The following AUTS2 variants were observed in gnomAD, a reference collection of about 807,000 sequenced individuals.
AUTS2 encodes activator of transcription and developmental regulator AUTS2, also known as autism susceptibility gene 2 protein.
A neutral mutation model predicts 112.4 loss-of-function variants in AUTS2; 17 were observed. That is an observed-to-expected ratio of 0.15 (90% CI 0.10 to 0.23). AUTS2 has a LOEUF of 0.23. Ranked by LOEUF, AUTS2 falls within the 10% of genes least tolerant of loss-of-function variation. The pLI is 1.00. For synonymous variants in AUTS2, 751 were observed against 702.7 expected (o/e 1.07, Z -1.09); for missense variants, 1,510 against 1,701.6 (o/e 0.89, Z 1.98).
intron 1 of AUTS2, among the ~76,000 whole-genome samples, chr7:69,816,288 C>A (rs62457247): frequency 3.3e-5 from 5 of 152,218 alleles, no homozygotes; most frequent in Admixed American, 2.6e-4. Context: ...TATCGACTTA[C>A]ATTCCGTTCT....
At chr7:70,286,180 C>A (rs576249947) in intron 4 of AUTS2, among the ~76,000 whole-genome samples, 1 of 152,292 alleles carries the variant, frequency 6.6e-6, no homozygotes, top group South Asian at 2.1e-4. Context: ...TCAGAGAGGT[C>A]ATTGGCAGCG....
chr7:69,919,489 G>A (rs747522401), intron 2 of AUTS2, among the ~76,000 whole-genome samples: 30 of 152,122 alleles, frequency 2.0e-4, no homozygotes, highest in Non-Finnish European at 4.0e-4. Flanking sequence ...GAAGGAAGGG[G>A]GCAGTTTTAT....
intron 2 of AUTS2, among the ~76,000 whole-genome samples, chr7:70,038,633 T>C (rs757538269): frequency 5.3e-5 from 8 of 152,072 alleles, no homozygotes; most frequent in Non-Finnish European, 1.2e-4. Flanking sequence ...TAAATGGCCT[T>C]GGTTTAGGAG....
At chr7:70,361,327 C>T (rs775581631) in intron 4 of AUTS2, among the ~76,000 whole-genome samples, 2 of 151,098 alleles carry the variant, frequency 1.3e-5, no homozygotes, top group African/African-American at 2.4e-5. Flanking sequence ...AGCGAGACTC[C>T]GTCTGAAAAA....
chr7:70,683,814 C>T (rs371637621), intron 5 of AUTS2, among the ~76,000 whole-genome samples: 1 of 152,128 alleles, frequency 6.6e-6, no homozygotes, highest in East Asian at 1.9e-4. Flanking sequence ...ACAAACTGTG[C>T]TAATTTGATT....
At chr7:70,649,877 T>C (rs17141928) in intron 5 of AUTS2, among the ~76,000 whole-genome samples, 26,126 of 152,146 alleles carry the variant, frequency 0.17, 2,751 homozygotes, top group South Asian at 0.3. Flanking sequence ...CCACATTTCC[T>C]TGTAGCTTAA....
rs531513312 is a variant in AUTS2 at position 70,631,851 on chromosome 7, G to A, written c.691-66718G>A. On this transcript the variant is annotated intron_variant, in intron 5 of 18. Transcript: ENST00000342771. The surrounding 1 kb of genome is among the most constrained non-coding windows in gnomAD (Gnocchi z 4.5). ...GCTAGGGGGCAGGGCGCACTCTGCC[G>A]CTTTGGCTTAGTTCTCCCATGTCCC... Among the ~76,000 whole-genome samples, 40 of 152,160 alleles carry A rather than the reference G, an allele frequency of 2.6e-4. No individual in the cohort carries two copies. The highest frequency in any genetic ancestry group is 1.9e-4 in the Non-Finnish European group (13 of 67,994).
At chr7:70,683,115 T>G (rs1808292485) in intron 5 of AUTS2, among the ~76,000 whole-genome samples, 1 of 152,230 alleles carries the variant, frequency 6.6e-6, no homozygotes, top group African/African-American at 2.4e-5. Context: ...GGAGCCATAT[T>G]TGGAGATGAG....
chr7:69,804,814 A>C (rs1200459795), intron 1 of AUTS2, among the ~76,000 whole-genome samples: 1 of 152,160 alleles, frequency 6.6e-6, no homozygotes, highest in Admixed American at 6.5e-5. Flanking sequence ...CAGCAATATC[A>C]TCATCATCTG....
intron 1 of AUTS2, among the ~76,000 whole-genome samples, chr7:69,658,931 G>C (rs1795666366): frequency 6.6e-6 from 1 of 152,190 alleles, no homozygotes; most frequent in African/African-American, 2.4e-5. Flanking sequence ...TTATGCTTTT[G>C]CTATTCACAT....
chr7:69,931,112 T>TAC (rs58190258), intron 2 of AUTS2, among the ~76,000 whole-genome samples: 1,517 of 148,972 alleles, frequency 0.01, 10 homozygotes, highest in Non-Finnish European at 0.012. Flanking sequence ...ATTTTGGATT[T>TAC]ACACACACAC....
chr7:70,297,804 G>T (rs1290406307), intron 4 of AUTS2, among the ~76,000 whole-genome samples: 1 of 152,128 alleles, frequency 6.6e-6, no homozygotes, highest in Non-Finnish European at 1.5e-5. Context: ...CATAATCTTA[G>T]ACATCATCTA....
At chr7:69,937,637 C>T (rs1455804072) in intron 2 of AUTS2, among the ~76,000 whole-genome samples, 1 of 152,150 alleles carries the variant, frequency 6.6e-6, no homozygotes, top group Non-Finnish European at 1.5e-5. Context: ...GGGCAGAGCC[C>T]AGTCATCAGT....
chr7:69,876,340 AAAAAAAAAAATATATATAT>A (rs1793746897), intron 1 of AUTS2, among the ~76,000 whole-genome samples: 2 of 90,948 alleles, frequency 2.2e-5, no homozygotes, highest in East Asian at 3.4e-4. Context: ...AAAAAAAAAA[AAAAAAAAAAATATATATAT>A]ATATATATAT....
chr7:70,058,725 G>T (rs1376415278), intron 2 of AUTS2, among the ~76,000 whole-genome samples: 1 of 151,488 alleles, frequency 6.6e-6, no homozygotes, highest in Non-Finnish European at 1.5e-5. Context: ...CCTTATTAAG[G>T]ATAATTAGTT....
chr7:70,606,626 T>C (rs1171716319), intron 5 of AUTS2, among the ~76,000 whole-genome samples: 1 of 152,116 alleles, frequency 6.6e-6, no homozygotes, highest in African/African-American at 2.4e-5. Flanking sequence ...TTTGGGAGGC[T>C]GAGGCAGGCA....
At chr7:70,058,451 A>G (rs1335341912) in intron 2 of AUTS2, among the ~76,000 whole-genome samples, 3 of 152,186 alleles carry the variant, frequency 2.0e-5, no homozygotes, top group Admixed American at 6.5e-5. Context: ...CCCGCTACGC[A>G]TAGCATTATT....
At chr7:70,662,855 T>C (rs1338138105) in intron 5 of AUTS2, among the ~76,000 whole-genome samples, 1 of 152,206 alleles carries the variant, frequency 6.6e-6, no homozygotes, top group Non-Finnish European at 1.5e-5. Context: ...TTGGTTGTTT[T>C]AGGTAAAGTA....
intron 4 of AUTS2, among the ~76,000 whole-genome samples, chr7:70,286,680 A>G (rs1051443997): frequency 1.3e-5 from 2 of 152,242 alleles, no homozygotes; most frequent in African/African-American, 4.8e-5. Flanking sequence ...AACATTTAAA[A>G]TATGCTACTG....
Sources: gnomAD v4.1 joint callset for allele counts (sites outside exome capture counted in the v4.1 genomes callset) on GRCh38, gnomAD v4.1.1 for gene constraint, Gnocchi (gnomAD v3.1) non-coding constraint, MANE v1.5 for transcripts, NCBI Gene and HGNC (gene_info 2026-07-23, HGNC 2026-07-21) for gene names.